The following COX6C variants were observed in gnomAD, a reference collection of about 807,000 sequenced individuals.
COX6C encodes cytochrome c oxidase subunit 6C, also known as cytochrome c oxidase polypeptide VIc.
In COX6C, 3 loss-of-function variants were observed where a neutral mutation model predicts 6.9. That is an observed-to-expected ratio of 0.43 (90% CI 0.20 to 1.12). The LOEUF is 1.12. COX6C is among the 50% of genes most tolerant of loss of function. The probability of loss-of-function intolerance (pLI) is 0.27; values close to 1 mark genes in which losing one functional copy is unlikely to be tolerated. For synonymous variants in COX6C, 32 were observed against 32.0 expected, an observed-to-expected ratio of 1.00 and a Z score of 0.00; for missense variants, 101 against 97.3, an observed-to-expected ratio of 1.04 and a Z score of -0.16.
chr8:99,881,444 T>C (rs1230019028), intron 3 of COX6C, among the ~76,000 whole-genome samples: 2 of 152,080 alleles, frequency 1.3e-5, no homozygotes, highest in Non-Finnish European at 2.9e-5. Flanking sequence ...GAAGTAACTA[T>C]ATAGGTCCAT....
intron 2 of COX6C, among the ~76,000 whole-genome samples, chr8:99,888,965 C>T (rs1019176469): frequency 5.3e-5 from 8 of 152,178 alleles, no homozygotes; most frequent in Non-Finnish European, 1.2e-4. Flanking sequence ...GTTAGCAGGA[C>T]CCCCTCTTGC....
intron 2 of COX6C, among the ~76,000 whole-genome samples, chr8:99,891,496 G>A (rs1197691179): frequency 1.3e-5 from 2 of 150,728 alleles, no homozygotes; most frequent in Non-Finnish European, 1.5e-5. Flanking sequence ...AAGGAAAGAA[G>A]GAAAGAAAAT....
rs143176453 is a variant in COX6C at position 99,880,082 on chromosome 8, G to A, written c.*16-1817C>T. ...GCATATGCACAGGCCCAGGGAAGAT[G>A]GCATCCCCAGGAAAAGTTTGAGAGG... On this transcript the variant is annotated intron_variant, in intron 3 of 3. Transcript: ENST00000520468. 9.8e-5 allele frequency among the ~76,000 whole-genome samples: 15 copies of A among 152,296 alleles called. No individual in the cohort carries two copies. In the East Asian group the frequency reaches 2.7e-3, roughly 27 times the overall value.
chr8:99,886,528 A>G (rs1052452036), intron 3 of COX6C: 6 of 152,228 alleles, frequency 3.9e-5, no homozygotes, highest in African/African-American at 1.2e-4. Context: ...CCCCAAAAGA[A>G]TTGATAGCAA....
chr8:99,884,911 C>T (rs1027385477), intron 3 of COX6C, among the ~76,000 whole-genome samples: 1 of 152,176 alleles, frequency 6.6e-6, no homozygotes, highest in African/African-American at 2.4e-5. Context: ...GTTACGATGT[C>T]CATACTACCA....
chr8:99,892,392 C>T (rs1563529979), intron 1 of COX6C, among the ~76,000 whole-genome samples: 1 of 152,092 alleles, frequency 6.6e-6, no homozygotes, highest in African/African-American at 2.4e-5. Context: ...TAAACGCTGT[C>T]CTTTATATCA....
chr8:99,880,484 G>A (rs900402589), intron 3 of COX6C, among the ~76,000 whole-genome samples: 6 of 152,104 alleles, frequency 3.9e-5, no homozygotes, highest in African/African-American at 1.4e-4. Context: ...TAACTGAATG[G>A]GGGGAGAAGG....
At chr8:99,882,724 G>A (rs946150338) in intron 3 of COX6C, among the ~76,000 whole-genome samples, 22 of 151,306 alleles carry the variant, frequency 1.5e-4, no homozygotes, top group Admixed American at 1.2e-3. Flanking sequence ...CTAAAAAGGA[G>A]TGAGAATGCT....
chr8:99,882,791 CA>C (rs34554124), intron 3 of COX6C, among the ~76,000 whole-genome samples: 36,944 of 151,544 alleles, frequency 0.24, 5,584 homozygotes, highest in African/African-American at 0.43. Context: ...ATACATAACT[CA>C]AAAAAAAATT....
chr8:99,883,562 A>G (rs972625154), intron 3 of COX6C, among the ~76,000 whole-genome samples: 12 of 151,556 alleles, frequency 7.9e-5, no homozygotes, highest in African/African-American at 2.9e-4. Flanking sequence ...TCAGCCTCCC[A>G]AAGTGCTGGG....
At chr8:99,890,174 G>A (rs183561724) in intron 2 of COX6C, among the ~76,000 whole-genome samples, 102 of 151,938 alleles carry the variant, frequency 6.7e-4, no homozygotes, top group Non-Finnish European at 1.2e-3. Context: ...TATCGCCCAG[G>A]CTGGTCTTGA....
intron 3 of COX6C, among the ~76,000 whole-genome samples, chr8:99,880,490 G>A (rs1817845358): frequency 2.6e-5 from 4 of 152,140 alleles, no homozygotes; most frequent in Non-Finnish European, 5.9e-5. Context: ...AATGGGGGGA[G>A]AAGGGGTCGG....
At chr8:99,878,290 A>C (rs1817782406) in intron 3 of COX6C, 25 bp from the exon 4 acceptor site, 1 of 152,232 alleles carries the variant, frequency 6.6e-6, no homozygotes, top group African/African-American at 2.4e-5. Flanking sequence ...ACAAAGGCTA[A>C]GTTAGAGATA....
intron 2 of COX6C, among the ~76,000 whole-genome samples, chr8:99,890,551 TTG>T (rs1818018826): frequency 6.6e-6 from 1 of 152,174 alleles, no homozygotes; most frequent in Non-Finnish European, 1.5e-5. Context: ...AATAACCTAT[TTG>T]TGTGTCAGGC....
chr8:99,888,170 T>C (rs1300502822), intron 2 of COX6C, among the ~76,000 whole-genome samples: 1 of 150,656 alleles, frequency 6.6e-6, no homozygotes, highest in East Asian at 1.9e-4. Context: ...TCTGCAGAAA[T>C]ACACAGAAAT....
intron 3 of COX6C, 186 bp downstream of exon 3, chr8:99,887,304 C>T (rs1817956917): frequency 2.3e-6 from 1 of 429,698 alleles, no homozygotes. Context: ...AAGTATTGTG[C>T]CACTTATTGC....
At chr8:99,890,606 T>C (rs1239407815) in intron 2 of COX6C, among the ~76,000 whole-genome samples, 1 of 152,222 alleles carries the variant, frequency 6.6e-6, no homozygotes, top group African/African-American at 2.4e-5. Flanking sequence ...ACATGGTACC[T>C]GCCTTAATGA....
intron 3 of COX6C, among the ~76,000 whole-genome samples, chr8:99,881,573 A>G (rs1817866154): frequency 6.6e-6 from 1 of 152,210 alleles, no homozygotes; most frequent in African/African-American, 2.4e-5. Context: ...TAAGTTTAAA[A>G]TAAATCGTTC....
At chr8:99,879,062 T>C (rs552386243) in intron 3 of COX6C, among the ~76,000 whole-genome samples, 2 of 152,360 alleles carry the variant, frequency 1.3e-5, no homozygotes, top group South Asian at 2.1e-4. Flanking sequence ...AGCAAACTCA[T>C]TTACAAGGCA....
Sources: gnomAD v4.1 joint callset for allele counts (sites outside exome capture counted in the v4.1 genomes callset) on GRCh38, gnomAD v4.1.1 for gene constraint, MANE v1.5 for transcripts, NCBI Gene and HGNC (gene_info 2026-07-23, HGNC 2026-07-21) for gene names.